Variants in RAB14 observed in about 807,000 individuals in gnomAD.
The protein encoded by RAB14 is ras-related protein Rab-14.
RAB14 carries 3 observed loss-of-function variants against 31.1 expected under a neutral mutation model. That is an observed-to-expected ratio of 0.10 (90% CI 0.04 to 0.25). The LOEUF is 0.25. Among genes scored for constraint, RAB14 ranks in the 10% least tolerant of loss-of-function variants. The pLI, the probability that RAB14 is intolerant of heterozygous loss-of-function variation, is 1.00. For missense variants in RAB14, 111 were observed against 260.1 expected, an observed-to-expected ratio of 0.43 and a Z score of 3.94; for synonymous variants, 85 against 84.9, an observed-to-expected ratio of 1.00 and a Z score of 0.00.
chr9:121,186,675 C>A (rs1358374295), intron 5 of RAB14, among the ~76,000 whole-genome samples: 1 of 152,116 alleles, frequency 6.6e-6, no homozygotes. Context: ...CTTTTAAAAT[C>A]ATAATTTCAG....
rs2053641433 is a variant in RAB14 at position 121,182,980 on chromosome 9, TATA to T, written c.440-23_440-21del. 6.2e-7 allele frequency: 1 copy of T among 1,602,348 alleles called. No individual in the cohort carries two copies. Among genetic ancestry groups the T allele is most frequent in the African/African-American group, 1.3e-5 (1 of 74,714 alleles). On this transcript the variant is annotated intron_variant, in intron 6 of 7. Transcript: ENST00000373840. ...ATAAGCCTAAAAATAAAATTCAGACTATAATTAGGACACTTCAAACTAACTCAC... is the reference window on the plus strand; with the variant it reads ...ATAAGCCTAAAAATAAAATTCAGACTATTAGGACACTTCAAACTAACTCAC...
In RAB14 at chr9:121,180,065, C is replaced by T. The variant is rs2053624835; in HGVS notation, c.*1331G>A. The T allele has an allele frequency of 6.5e-6, 1 of 152,676 alleles. No homozygotes were observed. The highest frequency in any genetic ancestry group is 1.5e-5 in the Non-Finnish European group (1 of 68,048). The allele number at this position is 152,676 out of a possible 1,614,324, so 9.5% of individuals were successfully genotyped here. ...CCACCTGGTGCAAAGTAATAACTTACTTTGTATCAGCACAAGCGCTGAAAC... is the reference window on the plus strand; with the variant it reads ...CCACCTGGTGCAAAGTAATAACTTATTTTGTATCAGCACAAGCGCTGAAAC... On this transcript the variant is annotated 3_prime_UTR_variant, in exon 8 of 8. Transcript: ENST00000373840.
chr9:121,183,489 A>G, intron 5 of RAB14, 91 bp from the exon 6 acceptor site: 4 of 992,680 alleles, frequency 4.0e-6, no homozygotes, highest in Non-Finnish European at 4.6e-6. Context: ...TCTTGATAGA[A>G]AAAATGACTG....
chr9:121,183,483 G>T (rs1294579295), intron 5 of RAB14, 85 bp from the exon 6 acceptor site: 5 of 1,088,778 alleles, frequency 4.6e-6, no homozygotes, highest in Middle Eastern at 2.2e-4. Context: ...CAAAAATCTT[G>T]ATAGAAAAAA....
Position 121,182,844 on chromosome 9 carries a change from A to G in RAB14, c.470+86T>C, listed in dbSNP as rs990125721. ...TTTATAGATAGTACTTTATATGTGT[A>G]TATACATTATATACTTTTCATATAT... On this transcript the variant is annotated intron_variant, in intron 7 of 7. Coordinates refer to ENST00000373840, the MANE Select transcript of RAB14 (RefSeq NM_016322.4). 9 of 1,116,438 alleles carry G rather than the reference A, an allele frequency of 8.1e-6. No homozygotes were observed. The African/African-American group carries it at 1.4e-4, about 18-fold the overall frequency. The allele number at this position is 1,116,438 out of a possible 1,614,324, so 69.2% of individuals were successfully genotyped here.
At position 121,181,389 on chromosome 9, in the gene RAB14, G is replaced by A. The variant is rs757787555; in HGVS notation, c.*7C>T. 1.3e-6 allele frequency: 2 copies of A among 1,584,688 alleles called. No homozygotes were observed. Among genetic ancestry groups the A allele is most frequent in the Non-Finnish European group, 1.7e-6 (2 of 1,158,854 alleles). On this transcript the variant is annotated 3_prime_UTR_variant, in exon 8 of 8. Transcript: ENST00000373840. The stretch of plus-strand genomic sequence containing the variant: ...AGGTCAAATGAGGGGCCACAGCAAA[G>A]AGGTCACTAGCAGCCACAGCCTTCT...
chr9:121,186,494 C>G (rs1003686497), intron 5 of RAB14, among the ~76,000 whole-genome samples: 4 of 152,098 alleles, frequency 2.6e-5, no homozygotes, highest in Non-Finnish European at 5.9e-5. Context: ...CATATAGAAT[C>G]CTTTTTATTT....
chr9:121,194,571 C>T (rs1374444884), intron 1 of RAB14, among the ~76,000 whole-genome samples: 3 of 152,116 alleles, frequency 2.0e-5, no homozygotes, highest in Non-Finnish European at 4.4e-5. Flanking sequence ...AACCAGCTTT[C>T]AGCTTAAGAC....
In RAB14 at chr9:121,192,214, T is replaced by A. The variant is rs757354724; in HGVS notation, c.63A>T (p.Gly21=). The change falls in exon 3 of 8, where the codon GGA becomes GGT. Residue 21 remains glycine, a synonymous_variant. Coordinates refer to ENST00000373840, the MANE Select transcript of RAB14 (RefSeq NM_016322.4). ...GATGAAGCAAGCAAGATTTTCCTACTCCCATGTCCCCTGTTTAAAAAAAAA... is the reference window on the plus strand; with the variant it reads ...GATGAAGCAAGCAAGATTTTCCTACACCCATGTCCCCTGTTTAAAAAAAAA... The part of the protein sequence containing the change: ...IFKYIIIGDM[G]VGKSCLLHQF... 1.1e-5 allele frequency: 18 copies of A among 1,597,260 alleles called. No homozygotes were observed. The highest frequency in any genetic ancestry group is 1.5e-5 in the Non-Finnish European group (18 of 1,170,882).
At chr9:121,189,205 G>GC (rs2053673861) in intron 4 of RAB14, among the ~76,000 whole-genome samples, 1 of 152,044 alleles carries the variant, frequency 6.6e-6, no homozygotes, top group Non-Finnish European at 1.5e-5. Context: ...GTTGATGCAT[G>GC]TTCTGGTTGT....
intron 5 of RAB14, 130 bp from the exon 6 acceptor site, chr9:121,183,528 AT>A: frequency 3.0e-6 from 2 of 659,886 alleles, no homozygotes; most frequent in Admixed American, 5.3e-5. Flanking sequence ...AGTACTAGCA[AT>A]TATCCACTAG....
intron 1 of RAB14, among the ~76,000 whole-genome samples, chr9:121,198,786 A>T (rs1472551519): frequency 6.6e-6 from 1 of 152,230 alleles, no homozygotes; most frequent in Non-Finnish European, 1.5e-5. Flanking sequence ...CAACAGAAGC[A>T]TGCTGACTTG....
At chr9:121,185,831 G>A (rs1245867233) in intron 5 of RAB14, among the ~76,000 whole-genome samples, 7 of 152,070 alleles carry the variant, frequency 4.6e-5, no homozygotes, top group Non-Finnish European at 7.4e-5. Context: ...GAAACACCTA[G>A]GTTTCCAGTT....
At chr9:121,186,651 A>G (rs1449182085) in intron 5 of RAB14, among the ~76,000 whole-genome samples, 1 of 152,178 alleles carries the variant, frequency 6.6e-6, no homozygotes, top group African/African-American at 2.4e-5. Context: ...GTTTTATGAA[A>G]TTAATGCAGA....
intron 4 of RAB14, among the ~76,000 whole-genome samples, chr9:121,187,543 A>G (rs1457520222): frequency 1.3e-5 from 2 of 152,122 alleles, no homozygotes; most frequent in African/African-American, 4.8e-5. Context: ...CAAGCTAACT[A>G]TAACAGCATA....
chr9:121,190,438 G>A, intron 4 of RAB14, 116 bp downstream of exon 4: 1 of 940,052 alleles, frequency 1.1e-6, no homozygotes, highest in Non-Finnish European at 1.5e-6. Context: ...TAAAAAACAA[G>A]TAAGTTCATT....
At chr9:121,191,617 C>T (rs1472093842) in intron 3 of RAB14, among the ~76,000 whole-genome samples, 1 of 152,114 alleles carries the variant, frequency 6.6e-6, no homozygotes, top group Non-Finnish European at 1.5e-5. Context: ...CCACCATTCT[C>T]CAGTACAAGG....
chr9:121,189,443 T>C (rs1008010154), intron 4 of RAB14, among the ~76,000 whole-genome samples: 3 of 152,120 alleles, frequency 2.0e-5, no homozygotes, highest in African/African-American at 7.2e-5. Context: ...CTTCCCATAA[T>C]ACTCTTGATC....
At chr9:121,184,468 T>A (rs183533256) in intron 5 of RAB14, among the ~76,000 whole-genome samples, 50 of 152,344 alleles carry the variant, frequency 3.3e-4, no homozygotes, top group African/African-American at 1.2e-3. Flanking sequence ...TGTACATTTA[T>A]GAGCTTATTT....
Sources: gnomAD v4.1 joint callset for allele counts (sites outside exome capture counted in the v4.1 genomes callset) on GRCh38, gnomAD v4.1.1 for gene constraint, MANE v1.5 for transcripts, NCBI Gene and HGNC (gene_info 2026-07-23, HGNC 2026-07-21) for gene names.